Variants in UGT1A8 observed in about 807,000 individuals in gnomAD.
UGT1A8 encodes UDP glucuronosyltransferase family 1 member A8, also known as UDP-glucuronosyltransferase 1A8.
UGT1A8 carries 39 observed loss-of-function variants against 45.3 expected under a neutral mutation model. The ratio of observed to expected loss-of-function variants is 0.86; its 90% confidence interval spans 0.67 to 1.12. The LOEUF is 1.12. UGT1A8 is among the 50% of genes most tolerant of loss of function. UGT1A8 has a pLI of 0.00. For missense variants in UGT1A8, 719 were observed against 664.9 expected (o/e 1.08, Z -0.90); for synonymous variants, 275 against 249.2 (o/e 1.10, Z -0.97).
Position 233,767,923 on chromosome 2 carries a change from A to G in UGT1A8, c.1062A>G (p.Gln354=), listed in dbSNP as rs553243445. ...NNTILVKWLP[Q]NDLLGHPMTR... ...CGATACTTGTTAAGTGGCTACCCCA[A>G]AACGATCTGCTTGGTATGTTGGGCG... Residue 354 remains glutamine (Q), a synonymous_variant, in exon 3 of 5, where the codon CAA becomes CAG. Transcript: ENST00000373450. The G allele has an allele frequency of 2.8e-5, 45 of 1,614,102 alleles. No individual in the cohort carries two copies. The highest frequency in any genetic ancestry group is 1.6e-4 in the Middle Eastern group (1 of 6,084).
chr2:233,636,786 G>T, intron 1 of UGT1A8: 1 of 1,614,132 alleles, frequency 6.2e-7, no homozygotes. Flanking sequence ...ATCAGAACCG[G>T]GAATTCATGG....
At chr2:233,737,362 C>G (rs1215274347) in intron 1 of UGT1A8, among the ~76,000 whole-genome samples, 2 of 152,208 alleles carry the variant, frequency 1.3e-5, no homozygotes, top group East Asian at 3.9e-4. Context: ...AGCTGCTAAG[C>G]CAGGCAGGGG....
chr2:233,645,412 C>T (rs1304188817), intron 1 of UGT1A8, among the ~76,000 whole-genome samples: 1 of 152,186 alleles, frequency 6.6e-6, no homozygotes, highest in Non-Finnish European at 1.5e-5. Flanking sequence ...AACAGTCCCG[C>T]AAAGTCTCAG....
chr2:233,717,734 G>A lies in UGT1A8; in HGVS notation c.856-49300G>A, dbSNP rs563372947. The stretch of plus-strand genomic sequence containing the variant: ...CCTCATGGGCATGAGACCATTGTGA[G>A]TGCTCAGGGTCTCCCCCTAGAAAGG... On this transcript the variant is annotated intron_variant, in intron 1 of 4. Transcript: ENST00000373450. 8.8e-6 allele frequency: 4 copies of A among 456,274 alleles called. No homozygotes were observed. The East Asian group carries it at 2.1e-4, about 24-fold the overall frequency. 28.3% of individuals were successfully genotyped at this position (456,274 alleles called of 1,614,324 possible). A position where few individuals can be genotyped will look rare whatever the true frequency, so the allele number is the denominator to read the frequency against.
chr2:233,755,241 A>G (rs535521102), intron 1 of UGT1A8: 33 of 865,204 alleles, frequency 3.8e-5, no homozygotes, highest in Non-Finnish European at 5.6e-5. Context: ...CTACCGGGGT[A>G]CTCCCAGCAC....
intron 4 of UGT1A8, chr2:233,771,569 G>A (rs1337987311): frequency 6.6e-6 from 1 of 152,150 alleles, no homozygotes; most frequent in Non-Finnish European, 1.5e-5. Flanking sequence ...GGCCAGAGGT[G>A]GTTGTTTACA....
At chr2:233,703,946 A>G (rs2075760296) in intron 1 of UGT1A8, among the ~76,000 whole-genome samples, 1 of 151,552 alleles carries the variant, frequency 6.6e-6, no homozygotes. Flanking sequence ...ACTGGAGTGC[A>G]GTGGTGTGAT....
intron 1 of UGT1A8, among the ~76,000 whole-genome samples, chr2:233,745,761 A>G (rs1420009294): frequency 2.7e-5 from 4 of 149,168 alleles, no homozygotes; most frequent in African/African-American, 1.0e-4. Flanking sequence ...GAAGGGGTGG[A>G]GAGGAGGAAT....
intron 1 of UGT1A8, among the ~76,000 whole-genome samples, chr2:233,656,527 T>G (rs990418178): frequency 2.6e-5 from 4 of 152,252 alleles, no homozygotes; most frequent in Non-Finnish European, 5.9e-5. Flanking sequence ...CTGTGGCAGT[T>G]GGAACATAGT....
chr2:233,681,837 ACACG>A, intron 1 of UGT1A8: 1 of 1,517,864 alleles, frequency 6.6e-7, no homozygotes, highest in Non-Finnish European at 8.8e-7. Context: ...ATGAATAAGT[ACACG>A]CCTTCTTTTG....
chr2:233,621,150 T>C lies in UGT1A8; in HGVS notation c.855+2588T>C, dbSNP rs1332535549. Among the ~76,000 whole-genome samples, 3 of 152,156 alleles carry C rather than the reference T, an allele frequency of 2.0e-5. No homozygotes were observed. In the East Asian group the frequency reaches 5.8e-4, roughly 29 times the overall value. On this transcript the variant is annotated intron_variant, in intron 1 of 4. Transcript: ENST00000373450. The stretch of plus-strand genomic sequence containing the variant: ...CCCATCTCCAACGTCAGGGATCAAA[T>C]TTCAACGTGAGATTTGGAGGGGATA...
intron 1 of UGT1A8, among the ~76,000 whole-genome samples, chr2:233,630,510 C>T (rs2073168094): frequency 6.6e-6 from 1 of 152,130 alleles, no homozygotes; most frequent in African/African-American, 2.4e-5. Context: ...GTTTGGATTG[C>T]TGTAAAGGAT....
intron 1 of UGT1A8, among the ~76,000 whole-genome samples, chr2:233,634,433 T>C (rs1041460747): frequency 2.0e-5 from 3 of 152,302 alleles, no homozygotes; most frequent in Non-Finnish European, 2.9e-5. Context: ...ACTATTATTG[T>C]ATGGGAGCCT....
chr2:233,705,764 C>CT (rs1233658406), intron 1 of UGT1A8, among the ~76,000 whole-genome samples: 1 of 152,170 alleles, frequency 6.6e-6, no homozygotes, highest in Non-Finnish European at 1.5e-5. Context: ...CAGCTGCATA[C>CT]TTTGAGTGTC....
In UGT1A8 at chr2:233,690,075, T is replaced by C. The variant is rs571016220; in HGVS notation, c.855+71513T>C. Among the ~76,000 whole-genome samples the C allele has an allele frequency of 2.6e-5, 4 of 152,288 alleles. No homozygotes were observed. The East Asian group carries it at 5.8e-4, about 22-fold the overall frequency. On this transcript the variant is annotated intron_variant, in intron 1 of 4. Coordinates refer to ENST00000373450, the MANE Select transcript of UGT1A8 (RefSeq NM_019076.5). ...TTCTGCAGCCCCACCTCACAGCCTA[T>C]CAAATAGATTAAATTGCTCCTGCAT...
chr2:233,721,727 T>TA, intron 1 of UGT1A8: 1 of 404,726 alleles, frequency 2.5e-6, no homozygotes, highest in South Asian at 1.9e-5. Flanking sequence ...TTTACTTGGA[T>TA]AAGCTTAATG....
intron 1 of UGT1A8, among the ~76,000 whole-genome samples, chr2:233,669,455 A>G (rs888548904): frequency 7.2e-5 from 11 of 152,170 alleles, no homozygotes; most frequent in African/African-American, 2.7e-4. Context: ...GAACATATCT[A>G]TTTATTCAGG....
intron 1 of UGT1A8, chr2:233,717,647 G>A (rs2076594921): frequency 1.2e-5 from 5 of 402,786 alleles, no homozygotes; most frequent in Admixed American, 5.2e-5. Context: ...GGGCGACCAG[G>A]ACAAGGAAGC....
At chr2:233,741,626 G>C (rs997188188) in intron 1 of UGT1A8, 2 of 151,868 alleles carry the variant, frequency 1.3e-5, no homozygotes, top group African/African-American at 4.9e-5. Flanking sequence ...GACCCCATGA[G>C]CCCCTGTGGG....
Sources: allele counts gnomAD v4.1 joint callset (sites outside exome capture counted in the v4.1 genomes callset), GRCh38; gene constraint gnomAD v4.1.1; transcripts MANE v1.5; gene names NCBI Gene and HGNC (gene_info 2026-07-23, HGNC 2026-07-21).